Variants in ASTN1 observed in about 807,000 individuals in gnomAD.
The protein encoded by ASTN1 is astrotactin 1, also known as astrotactin-1.
ASTN1 carries 41 observed loss-of-function variants against 140.7 expected under a neutral mutation model. The observed-to-expected ratio is 0.29, with a 90% CI of 0.23 to 0.38. The LOEUF is 0.38. Ranked by LOEUF, ASTN1 falls within the 10% of genes least tolerant of loss-of-function variation. The pLI, the probability that ASTN1 is intolerant of heterozygous loss-of-function variation, is 1.00. For synonymous variants in ASTN1, 640 were observed against 652.2 expected (o/e 0.98, Z 0.29); for missense variants, 1,479 against 1,678.8 (o/e 0.88, Z 2.08).
At chr1:176,859,644 C>T (rs1667906190), downstream of ASTN1, among the ~76,000 whole-genome samples, 1 of 152,112 alleles carries the variant, frequency 6.6e-6, no homozygotes, top group Non-Finnish European at 1.5e-5. Flanking sequence ...ATTAGCCAGG[C>T]AGTGTGGCAG....
chr1:176,973,005 C>T (rs183743919), intron 8 of ASTN1, among the ~76,000 whole-genome samples: 5 of 152,262 alleles, frequency 3.3e-5, no homozygotes, highest in Non-Finnish European at 4.4e-5. Context: ...TCCTGGATCA[C>T]TGTCCTCTCC....
intron 8 of ASTN1, among the ~76,000 whole-genome samples, chr1:176,999,980 G>C (rs1221776957): frequency 6.6e-6 from 1 of 152,168 alleles, no homozygotes; most frequent in Non-Finnish European, 1.5e-5. Context: ...ACAGCAGCAA[G>C]AGAATGGAGT....
rs1489188041 is a variant in ASTN1, at chr1:176,985,845, TACACACACACACACACACACACA to T, written c.1524-20631_1524-20609del. Among the ~76,000 whole-genome samples the T allele has an allele frequency of 3.9e-5, 5 of 129,668 alleles. No homozygotes were observed. In the East Asian group the frequency reaches 1.2e-3, roughly 31 times the overall value. 85.1% of individuals were successfully genotyped at this position (129,668 alleles called of 152,430 possible). A position where few individuals can be genotyped will look rare whatever the true frequency, so the allele number is the denominator to read the frequency against. Reference sequence around the variant, plus strand: ...TATTGGTTCTCTCTCTCTCTCTCTCTACACACACACACACACACACACACACACACACACACACACACACACAC... The same window carrying T: ...TATTGGTTCTCTCTCTCTCTCTCTCTCACACACACACACACACACACACAC... On this transcript the variant is annotated intron_variant, in intron 8 of 22. Transcript: ENST00000361833.
chr1:177,081,544 C>A (rs902899134), intron 1 of ASTN1, among the ~76,000 whole-genome samples: 2 of 152,098 alleles, frequency 1.3e-5, no homozygotes, highest in African/African-American at 4.8e-5. Context: ...GCAATATATG[C>A]ATGAAGTTTA....
At chr1:177,140,614 T>A (rs1467908333) in intron 1 of ASTN1, among the ~76,000 whole-genome samples, 3 of 152,192 alleles carry the variant, frequency 2.0e-5, no homozygotes, top group Non-Finnish European at 2.9e-5. Context: ...CATGTGTGTA[T>A]AGCTAACTGT....
At chr1:176,957,587 C>G in intron 11 of ASTN1, 91 bp downstream of exon 11, 1 of 1,485,480 alleles carries the variant, frequency 6.7e-7, no homozygotes, top group Non-Finnish European at 9.1e-7. Context: ...GATCACAGCA[C>G]ATTTTTCCCT....
chr1:176,943,884 C>T lies in ASTN1; in HGVS notation c.2377+7G>A, dbSNP rs1027708877. ...CCAGTTGAATAAGGTTGAGAAGGCA[C>T]ACTCACCAGTCAGGAAGTCAGGGTC... On this transcript the variant is annotated splice_region_variant and intron_variant, in intron 14 of 22. Transcript: ENST00000361833. 1 of 1,595,068 alleles carries T rather than the reference C, an allele frequency of 6.3e-7. No homozygotes were observed. Among genetic ancestry groups the T allele is most frequent in the Non-Finnish European group, 8.6e-7 (1 of 1,169,262 alleles).
At chr1:177,010,870 AC>A (rs1437799994) in intron 8 of ASTN1, among the ~76,000 whole-genome samples, 1 of 152,186 alleles carries the variant, frequency 6.6e-6, no homozygotes, top group East Asian at 1.9e-4. Context: ...AGTCTAGCTA[AC>A]CCCAAGAGGT....
intron 14 of ASTN1, among the ~76,000 whole-genome samples, chr1:176,937,726 A>T (rs1394540088): frequency 6.6e-6 from 1 of 152,164 alleles, no homozygotes; most frequent in Admixed American, 6.5e-5. Flanking sequence ...ATATATACAA[A>T]TATAAGGGCA....
At chr1:177,163,914 A>G (rs1262740604) in intron 1 of ASTN1, among the ~76,000 whole-genome samples, 1 of 152,198 alleles carries the variant, frequency 6.6e-6, no homozygotes, top group Non-Finnish European at 1.5e-5. Flanking sequence ...TGGCTTGCAC[A>G]TAGCTGGCAA....
chr1:176,905,958 G>A lies in ASTN1; in HGVS notation c.2672-11128C>T, dbSNP rs943802899. ...ACAGCTGGACATGGGAGGAAACAAA[G>A]GGGACAAAAGGAAGAGACCAGTGAT... On this transcript the variant is annotated intron_variant, in intron 16 of 22. Transcript: ENST00000361833. 3.3e-5 allele frequency among the ~76,000 whole-genome samples: 5 copies of A among 152,322 alleles called. No individual in the cohort carries two copies. In the East Asian group the frequency reaches 7.7e-4, roughly 24 times the overall value.
intron 1 of ASTN1, among the ~76,000 whole-genome samples, chr1:177,148,791 T>C (rs370300385): frequency 1.4e-3 from 220 of 151,952 alleles, no homozygotes; most frequent in African/African-American, 5.0e-3. Flanking sequence ...TAGAAGTTTC[T>C]TGGATTTAAC....
chr1:176,957,705 A>T lies in ASTN1; in HGVS notation c.1860T>A (p.Asp620Glu), dbSNP rs1672470764. 2.5e-6 allele frequency: 4 copies of T among 1,614,106 alleles called. No homozygotes were observed. The highest frequency in any genetic ancestry group is 3.4e-6 in the Non-Finnish European group (4 of 1,179,980). The change falls in exon 11 of 23, where the codon GAT (aspartate) becomes GAA (glutamate). Residue 620 changes from aspartate to glutamate, a missense_variant. This residue lies in a region of ASTN1 where 729 missense variants were observed against 860.4 expected (regional missense o/e 0.85). Transcript: ENST00000361833. ...CGCAACCAGTGGAGTCCAGCTTGCG[A>T]TCTGAAATACAGCGGAAATTCTTAC... Reference protein sequence around the residue: ...GCSKNFRCISDRKLDSTGCVC... With the variant: ...GCSKNFRCISERKLDSTGCVC...
intron 2 of ASTN1, among the ~76,000 whole-genome samples, chr1:177,042,856 C>G (rs1439115569): frequency 6.6e-6 from 1 of 152,140 alleles, no homozygotes; most frequent in East Asian, 1.9e-4. Flanking sequence ...CAATTAAACC[C>G]CAGATTTCCT....
intron 1 of ASTN1, among the ~76,000 whole-genome samples, chr1:177,118,658 G>T (rs1433290124): frequency 4.6e-5 from 7 of 152,116 alleles, no homozygotes; most frequent in Non-Finnish European, 8.8e-5. Context: ...CTTTCCAAAC[G>T]TTTAATTTCA....
At chr1:176,905,667 C>T (rs539731298) in intron 16 of ASTN1, among the ~76,000 whole-genome samples, 4 of 152,138 alleles carry the variant, frequency 2.6e-5, no homozygotes, top group South Asian at 2.1e-4. Flanking sequence ...CTCTTGGTGG[C>T]GATTTGGGAT....
At chr1:177,050,780 C>A (rs1016824720) in intron 2 of ASTN1, among the ~76,000 whole-genome samples, 1 of 152,146 alleles carries the variant, frequency 6.6e-6, no homozygotes, top group Non-Finnish European at 1.5e-5. Flanking sequence ...ACGTAACAGT[C>A]CTCACAAAAA....
At chr1:177,115,714 G>A (rs1347398102) in intron 1 of ASTN1, among the ~76,000 whole-genome samples, 1 of 150,330 alleles carries the variant, frequency 6.7e-6, no homozygotes, top group African/African-American at 2.5e-5. Context: ...TGAAAATAAT[G>A]TATGCTCATT....
intron 5 of ASTN1, among the ~76,000 whole-genome samples, chr1:177,025,626 T>C (rs986913783): frequency 1.3e-5 from 2 of 152,180 alleles, no homozygotes; most frequent in African/African-American, 4.8e-5. Flanking sequence ...TTAATACTTA[T>C]TATTGATAGC....
Sources: gnomAD v4.1 joint callset for allele counts (sites outside exome capture counted in the v4.1 genomes callset) on GRCh38, gnomAD v4.1.1 for gene constraint, gnomAD v4.1.1 regional missense constraint, MANE v1.5 for transcripts, NCBI Gene and HGNC (gene_info 2026-07-23, HGNC 2026-07-21) for gene names.